Variants in MACROD2 observed in about 807,000 individuals in gnomAD.
MACROD2 encodes the protein ADP-ribose glycohydrolase MACROD2.
In MACROD2, 36 loss-of-function variants were observed where a neutral mutation model predicts 70.4. The observed-to-expected ratio is 0.51, with a 90% CI of 0.39 to 0.68. The LOEUF (loss-of-function observed/expected upper bound fraction) is 0.68. Among genes scored for constraint, MACROD2 ranks in the 30% least tolerant of loss-of-function variants. MACROD2 has a pLI of 0.00. For synonymous variants in MACROD2, 172 were observed against 178.8 expected (o/e 0.96, Z 0.30); for missense variants, 496 against 538.4 (o/e 0.92, Z 0.78).
chr20:14,766,195 G>A (rs2072086726), intron 5 of MACROD2, among the ~76,000 whole-genome samples: 1 of 152,002 alleles, frequency 6.6e-6, no homozygotes, highest in Non-Finnish European at 1.5e-5. Context: ...CGGGTAGTCG[G>A]CCAATTCTGG....
intron 3 of MACROD2, among the ~76,000 whole-genome samples, chr20:14,109,098 T>A (rs1461715247): frequency 1.3e-5 from 2 of 151,780 alleles, no homozygotes; most frequent in Non-Finnish European, 2.9e-5. Context: ...AAACTAGAAA[T>A]CAACAACAAG....
chr20:14,577,502 G>T (rs974228530), intron 4 of MACROD2, among the ~76,000 whole-genome samples: 1 of 152,174 alleles, frequency 6.6e-6, no homozygotes, highest in South Asian at 2.1e-4. Flanking sequence ...AGAGGGACTG[G>T]ATGTGGTGGC....
chr20:15,315,481 CAAGATTAA>C (rs1400075380), intron 6 of MACROD2, among the ~76,000 whole-genome samples: 2 of 152,052 alleles, frequency 1.3e-5, no homozygotes, highest in East Asian at 3.9e-4. Flanking sequence ...AGATGCTCAA[CAAGATTAA>C]AAGCAGATTT....
chr20:15,337,404 AT>A (rs1239249746), intron 6 of MACROD2, among the ~76,000 whole-genome samples: 4 of 151,544 alleles, frequency 2.6e-5, no homozygotes, highest in Non-Finnish European at 4.4e-5. Flanking sequence ...AAATCAAACC[AT>A]TTTTTTACAC....
chr20:16,015,752 G>A (rs1276343160), intron 15 of MACROD2, among the ~76,000 whole-genome samples: 1 of 151,800 alleles, frequency 6.6e-6, no homozygotes, highest in African/African-American at 2.4e-5. Context: ...TTTTCCTATT[G>A]TATAGTTAGC....
chr20:14,178,620 A>C (rs778255965), intron 3 of MACROD2, among the ~76,000 whole-genome samples: 64 of 151,856 alleles, frequency 4.2e-4, no homozygotes, highest in Non-Finnish European at 8.4e-4. Context: ...ACAGCAGAGT[A>C]GTATGGATGA....
At chr20:14,796,823 A>C (rs954838894) in intron 5 of MACROD2, among the ~76,000 whole-genome samples, 2 of 152,024 alleles carry the variant, frequency 1.3e-5, no homozygotes, top group Non-Finnish European at 2.9e-5. Flanking sequence ...CTGGTTTTAA[A>C]ATTTTTGAAG....
At chr20:15,208,017 GTTC>G (rs992176646) in intron 5 of MACROD2, among the ~76,000 whole-genome samples, 2 of 151,932 alleles carry the variant, frequency 1.3e-5, no homozygotes, top group African/African-American at 4.8e-5. Flanking sequence ...CTTTCTTTCT[GTTC>G]TTCTGAGATT....
chr20:14,953,994 T>C (rs747960765), intron 5 of MACROD2, among the ~76,000 whole-genome samples: 1 of 152,156 alleles, frequency 6.6e-6, no homozygotes, highest in African/African-American at 2.4e-5. Context: ...GTTTGATTGT[T>C]AACCCATTTG....
intron 8 of MACROD2, among the ~76,000 whole-genome samples, chr20:15,593,858 G>A (rs1458176906): frequency 3.3e-5 from 5 of 152,164 alleles, no homozygotes; most frequent in African/African-American, 7.2e-5. Flanking sequence ...GAGGCATCTG[G>A]CATCTTTCAG....
At position 16,041,248 on chromosome 20, in the gene MACROD2, A is replaced by G. The variant is rs2067303858; in HGVS notation, c.1201A>G (p.Ser401Gly). Residue 401 changes from serine to glycine, a missense_variant, in exon 16 of 18, where the codon AGT (serine) becomes GGT (glycine). By Grantham distance (56) the Ser-to-Gly change is moderately conservative. Transcript: ENST00000684519. ...GATGCCTGGGAAAAGTGAAGGCTCCAGTGACCTAGAAAATACTCCAGGTCC... is the reference window on the plus strand; with the variant it reads ...GATGCCTGGGAAAAGTGAAGGCTCCGGTGACCTAGAAAATACTCCAGGTCC... ...PRMPGKSEGS[S>G]DLENTPGPDV... is the part of the protein sequence containing the mutation. 1.2e-6 allele frequency: 2 copies of G among 1,612,132 alleles called. No individual in the cohort carries two copies. Among genetic ancestry groups the G allele is most frequent in the East Asian group, 2.2e-5 (1 of 44,800 alleles).
chr20:13,998,089 C>T (rs934772486), intron 1 of MACROD2, among the ~76,000 whole-genome samples: 4 of 152,072 alleles, frequency 2.6e-5, no homozygotes, highest in Non-Finnish European at 5.9e-5. Flanking sequence ...GGTCTGCCTA[C>T]TTAATTGCTT....
intron 8 of MACROD2, among the ~76,000 whole-genome samples, chr20:15,808,876 A>T (rs1600925780): frequency 6.6e-6 from 1 of 152,214 alleles, no homozygotes; most frequent in South Asian, 2.1e-4. Context: ...CGTTGAACAA[A>T]CAGTGACTAG....
intron 8 of MACROD2, among the ~76,000 whole-genome samples, chr20:15,718,582 C>T (rs1326852315): frequency 6.6e-6 from 1 of 152,118 alleles, no homozygotes; most frequent in Non-Finnish European, 1.5e-5. Context: ...GGGTGGATCA[C>T]CAAGGCTAGG....
At chr20:14,592,709 T>A (rs764604489) in intron 4 of MACROD2, among the ~76,000 whole-genome samples, 2 of 152,232 alleles carry the variant, frequency 1.3e-5, no homozygotes, top group African/African-American at 2.4e-5. Context: ...AGGGATCATT[T>A]ATTAGCAGTA....
intron 9 of MACROD2, among the ~76,000 whole-genome samples, chr20:15,879,882 G>C (rs954328139): frequency 6.6e-6 from 1 of 152,086 alleles, no homozygotes; most frequent in Non-Finnish European, 1.5e-5. Context: ...TAGTCTGAAT[G>C]CTGGCAGGCT....
chr20:14,330,971 A>G lies in MACROD2; in HGVS notation c.272-162508A>G, dbSNP rs567584805. ...TGTGGTTAATTTAAGTTTAGAAAAC[A>G]ATTGCTTATGTTAAATTGCATTAGA... is the stretch of plus-strand genomic sequence containing the variant. On this transcript the variant is annotated intron_variant, in intron 3 of 17. Coordinates refer to ENST00000684519, the MANE Select transcript of MACROD2 (RefSeq NM_001351661.2). 1.1e-4 allele frequency among the ~76,000 whole-genome samples: 16 copies of G among 152,290 alleles called. No homozygotes were observed. In the South Asian group the frequency reaches 3.3e-3, roughly 32 times the overall value.
At chr20:15,481,742 G>A (rs1442046651) in intron 7 of MACROD2, among the ~76,000 whole-genome samples, 1 of 151,968 alleles carries the variant, frequency 6.6e-6, no homozygotes, top group Non-Finnish European at 1.5e-5. Flanking sequence ...GTTTAATTTG[G>A]GTATAAACAA....
At chr20:15,902,035 G>T (rs1230460225) in intron 10 of MACROD2, among the ~76,000 whole-genome samples, 2 of 152,170 alleles carry the variant, frequency 1.3e-5, no homozygotes, top group Admixed American at 1.3e-4. Context: ...CCCTTCCAGC[G>T]ATCCACAAGG....
Sources: gnomAD v4.1 joint callset for allele counts (sites outside exome capture counted in the v4.1 genomes callset) on GRCh38, gnomAD v4.1.1 for gene constraint, MANE v1.5 for transcripts, NCBI Gene and HGNC (gene_info 2026-07-23, HGNC 2026-07-21) for gene names.